Variants in MAGI2 observed in about 807,000 individuals in gnomAD.
MAGI2 encodes membrane-associated guanylate kinase, WW and PDZ domain-containing protein 2.
MAGI2 carries 35 observed loss-of-function variants against 133.3 expected under a neutral mutation model. The ratio of observed to expected loss-of-function variants is 0.26; its 90% CI spans 0.20 to 0.35. The LOEUF is 0.35. Ranked by LOEUF, MAGI2 falls within the 10% of genes least tolerant of loss-of-function variation. The probability of loss-of-function intolerance (pLI) is 1.00; values close to 1 mark genes in which losing one functional copy is unlikely to be tolerated. For missense variants in MAGI2, 1,636 were observed against 1,863.4 expected (o/e 0.88, Z 2.25); for synonymous variants, 729 against 710.6 (o/e 1.03, Z -0.41).
chr7:79,009,407 T>C (rs1279639595), intron 1 of MAGI2, among the ~76,000 whole-genome samples: 4 of 152,152 alleles, frequency 2.6e-5, no homozygotes, highest in Non-Finnish European at 5.9e-5. Context: ...TCATAAATTA[T>C]AACAAAATTT....
chr7:79,441,995 T>C (rs919045182), intron 1 of MAGI2, among the ~76,000 whole-genome samples: 1 of 152,188 alleles, frequency 6.6e-6, no homozygotes, highest in Non-Finnish European at 1.5e-5. Context: ...CTGCCTCTTC[T>C]TTTGTAACAC....
chr7:79,245,188 C>A (rs996822251), intron 1 of MAGI2, among the ~76,000 whole-genome samples: 1 of 152,108 alleles, frequency 6.6e-6, no homozygotes, highest in Non-Finnish European at 1.5e-5. Context: ...CAGGTATGAC[C>A]TGACATATTC....
chr7:79,115,144 T>C (rs1819281148), intron 1 of MAGI2, among the ~76,000 whole-genome samples: 1 of 152,152 alleles, frequency 6.6e-6, no homozygotes, highest in Non-Finnish European at 1.5e-5. Flanking sequence ...GCTCCTGAAA[T>C]GTTCATGACC....
At chr7:78,695,414 G>A (rs1412429961) in intron 2 of MAGI2, among the ~76,000 whole-genome samples, 1 of 152,082 alleles carries the variant, frequency 6.6e-6, no homozygotes, top group Non-Finnish European at 1.5e-5. Context: ...TCCTTGCTCT[G>A]TATCTGATGT....
At chr7:78,280,206 C>A (rs1232121921) in intron 9 of MAGI2, among the ~76,000 whole-genome samples, 1 of 152,128 alleles carries the variant, frequency 6.6e-6, no homozygotes, top group Non-Finnish European at 1.5e-5. Flanking sequence ...CATGGGGAAG[C>A]TATCTCCTGT....
chr7:78,876,003 A>G (rs1473147276), intron 2 of MAGI2, among the ~76,000 whole-genome samples: 1 of 152,148 alleles, frequency 6.6e-6, no homozygotes. Flanking sequence ...GAGAAACATG[A>G]TATTACAAAA....
chr7:78,346,025 T>C lies in MAGI2; in HGVS notation c.1122A>G (p.Thr374=), dbSNP rs1790867966. 2.5e-6 allele frequency: 4 copies of C among 1,614,184 alleles called. No individual in the cohort carries two copies. In the East Asian group the frequency reaches 8.9e-5, roughly 36 times the overall value. Residue 374 remains threonine, a synonymous_variant, in exon 8 of 22, where the codon ACA becomes ACG. Coordinates refer to ENST00000354212, the MANE Select transcript of MAGI2 (RefSeq NM_012301.4). ...CTTCCAGGACAGGATTTTCAAACTG[T>C]GTTCTTCTATTTATGTGGCTAAAAA... ...TYYVDHINRR[T]QFENPVLEAK...
chr7:78,471,666 C>T (rs1012958649), intron 6 of MAGI2, among the ~76,000 whole-genome samples: 2 of 152,026 alleles, frequency 1.3e-5, no homozygotes, highest in African/African-American at 4.8e-5. Context: ...TGGCTCATGC[C>T]TGTAATCTCA....
intron 2 of MAGI2, among the ~76,000 whole-genome samples, chr7:78,628,632 A>G (rs528940772): frequency 1.3e-5 from 2 of 151,884 alleles, no homozygotes; most frequent in East Asian, 1.9e-4. Context: ...TTTATAACTC[A>G]TCTTTGGGGG....
intron 1 of MAGI2, among the ~76,000 whole-genome samples, chr7:79,217,888 T>G (rs1830145156): frequency 6.6e-6 from 1 of 152,008 alleles, no homozygotes; most frequent in African/African-American, 2.4e-5. Flanking sequence ...TGTAGTTGTT[T>G]CCTTTGCTAA....
At chr7:78,029,740 T>C (rs897268650) in intron 21 of MAGI2, among the ~76,000 whole-genome samples, 23 of 152,326 alleles carry the variant, frequency 1.5e-4, no homozygotes, top group East Asian at 1.2e-3. Context: ...AAAGTCCCCA[T>C]TGAAGTGCAG....
chr7:79,129,715 T>C (rs935262305), intron 1 of MAGI2, among the ~76,000 whole-genome samples: 4 of 152,208 alleles, frequency 2.6e-5, no homozygotes, highest in East Asian at 3.9e-4. Flanking sequence ...ACTTTAAAGA[T>C]GCAAAATGAC....
chr7:78,750,678 G>A (rs1434762579), intron 2 of MAGI2, among the ~76,000 whole-genome samples: 1 of 152,156 alleles, frequency 6.6e-6, no homozygotes, highest in African/African-American at 2.4e-5. Flanking sequence ...GTTTCCTCTG[G>A]AGAACAGATA....
At chr7:78,826,768 A>G (rs73369451) in intron 2 of MAGI2, among the ~76,000 whole-genome samples, 9,568 of 152,256 alleles carry the variant, frequency 0.063, 395 homozygotes, top group African/African-American at 0.11. Context: ...GAGGTGTGGG[A>G]AAAGGTGATG....
At chr7:79,240,516 C>CA (rs1254936401) in intron 1 of MAGI2, among the ~76,000 whole-genome samples, 2 of 151,964 alleles carry the variant, frequency 1.3e-5, no homozygotes, top group East Asian at 3.9e-4. Context: ...CAACATCCAG[C>CA]AAAAAATGTG....
At chr7:78,909,986 G>A (rs1798285719) in intron 2 of MAGI2, among the ~76,000 whole-genome samples, 1 of 152,140 alleles carries the variant, frequency 6.6e-6, no homozygotes, top group Non-Finnish European at 1.5e-5. Flanking sequence ...GCCTTTGCAG[G>A]GACATGGATG....
chr7:78,210,838 G>T (rs1376531260), intron 10 of MAGI2, among the ~76,000 whole-genome samples: 1 of 152,194 alleles, frequency 6.6e-6, no homozygotes, highest in Non-Finnish European at 1.5e-5. Context: ...TGTCAGAGAG[G>T]AGGGTCACTG....
intron 4 of MAGI2, among the ~76,000 whole-genome samples, chr7:78,502,674 C>A (rs1474500483): frequency 6.6e-6 from 1 of 151,884 alleles, no homozygotes; most frequent in Non-Finnish European, 1.5e-5. Flanking sequence ...GGATTTGGTA[C>A]CATCTGAGGT....
intron 1 of MAGI2, among the ~76,000 whole-genome samples, chr7:79,375,544 A>G (rs2129137811): frequency 6.6e-6 from 1 of 151,826 alleles, no homozygotes; most frequent in Non-Finnish European, 1.5e-5. Flanking sequence ...AGGCCCAAAT[A>G]TATATAACAT....
Sources: gnomAD v4.1 joint callset for allele counts (sites outside exome capture counted in the v4.1 genomes callset) on GRCh38, gnomAD v4.1.1 for gene constraint, MANE v1.5 for transcripts, NCBI Gene and HGNC (gene_info 2026-07-23, HGNC 2026-07-21) for gene names.